The following CRB1 variants were observed in gnomAD, a reference collection of about 807,000 sequenced individuals.
CRB1 encodes crumbs cell polarity complex component 1, also known as protein crumbs homolog 1.
Under a neutral mutation model 120.0 loss-of-function variants are expected in CRB1, and 83 were observed. The ratio of observed to expected loss-of-function variants is 0.69; its 90% CI spans 0.58 to 0.83. The LOEUF (loss-of-function observed/expected upper bound fraction) is 0.83. CRB1 is among the 40% of genes least tolerant of loss of function. The probability of loss-of-function intolerance (pLI) is 0.00; values close to 1 mark genes in which losing one functional copy is unlikely to be tolerated. For missense variants in CRB1, 1,699 were observed against 1,687.6 expected (o/e 1.01, Z -0.12); for synonymous variants, 625 against 612.5 (o/e 1.02, Z -0.30).
chr1:197,392,947 T>C (rs1370838245), intron 5 of CRB1, among the ~76,000 whole-genome samples: 3 of 152,062 alleles, frequency 2.0e-5, no homozygotes, highest in Non-Finnish European at 4.4e-5. Flanking sequence ...CGGCACTTGA[T>C]GAAGTAATAT....
At chr1:197,222,210 C>G in the CRB1 span, 1 of 474,620 alleles carries the variant, frequency 2.1e-6, no homozygotes, top group Non-Finnish European at 4.0e-6. Context: ...ACTGCGCGGC[C>G]GCAGCGGCAC....
intron 5 of CRB1, among the ~76,000 whole-genome samples, chr1:197,388,063 T>A (rs193211520): frequency 6.6e-6 from 1 of 152,134 alleles, no homozygotes; most frequent in African/African-American, 2.4e-5. Flanking sequence ...ATAAACATCA[T>A]TTTAATGTCT....
chr1:197,455,882 G>A (rs1331416915), intron 11 of CRB1, among the ~76,000 whole-genome samples: 4 of 151,904 alleles, frequency 2.6e-5, no homozygotes, highest in East Asian at 1.9e-4. Context: ...CATGTAAACC[G>A]TAGAAATATT....
At chr1:197,434,581 T>C (rs1408386872) in intron 8 of CRB1, 125 bp from the exon 9 acceptor site, 3 of 847,322 alleles carry the variant, frequency 3.5e-6, no homozygotes, top group Non-Finnish European at 5.7e-6. Context: ...TAGCACAGTA[T>C]GTAACATGTA....
At chr1:197,353,158 G>T (rs775480112) in intron 4 of CRB1, among the ~76,000 whole-genome samples, 1 of 152,094 alleles carries the variant, frequency 6.6e-6, no homozygotes, top group Non-Finnish European at 1.5e-5. Flanking sequence ...AGAAAATAAG[G>T]GGATCTTATT....
At chr1:197,368,528 T>C (rs949135532) in intron 5 of CRB1, among the ~76,000 whole-genome samples, 3 of 152,216 alleles carry the variant, frequency 2.0e-5, no homozygotes, top group African/African-American at 7.2e-5. Context: ...AAATGATTTT[T>C]GTTGATTGCT....
chr1:197,216,700 G>C, the CRB1 span, among the ~76,000 whole-genome samples: 4 of 152,186 alleles, frequency 2.6e-5, no homozygotes, highest in African/African-American at 9.7e-5. Context: ...TATCACAGTA[G>C]TTAAGAGAAT....
At chr1:197,474,241 T>C (rs1400024249) in intron 11 of CRB1, among the ~76,000 whole-genome samples, 1 of 152,208 alleles carries the variant, frequency 6.6e-6, no homozygotes, top group East Asian at 1.9e-4. Flanking sequence ...GATGTTAATA[T>C]TCCATTTTAT....
chr1:197,440,579 G>C (rs745426526), intron 10 of CRB1: 1 of 152,170 alleles, frequency 6.6e-6, no homozygotes, highest in Non-Finnish European at 1.5e-5. Flanking sequence ...AAATGCCAAT[G>C]ATGCTGATAA....
At chr1:197,257,880 A>G in the CRB1 span, among the ~76,000 whole-genome samples, 2 of 152,110 alleles carry the variant, frequency 1.3e-5, no homozygotes, top group Admixed American at 1.3e-4. Context: ...CTGCTGTACT[A>G]GCACTCATTT....
At chr1:197,402,887 A>T (rs1663140101) in intron 5 of CRB1, among the ~76,000 whole-genome samples, 1 of 152,172 alleles carries the variant, frequency 6.6e-6, no homozygotes, top group Admixed American at 6.5e-5. Flanking sequence ...TTTTAATAGC[A>T]CTATTGCAAT....
intron 1 of CRB1, among the ~76,000 whole-genome samples, chr1:197,301,368 G>T (rs1202320640): frequency 6.6e-6 from 1 of 152,072 alleles, no homozygotes. Context: ...GTTTCACCAT[G>T]TTGGCCAGGA....
At chr1:197,432,357 A>AACACACACACAC (rs35921087) in intron 8 of CRB1, among the ~76,000 whole-genome samples, 1 of 139,770 alleles carries the variant, frequency 7.2e-6, no homozygotes, top group African/African-American at 2.7e-5. Flanking sequence ...ACCTGGTTGA[A>AACACACACACAC]ACACACACAC....
chr1:197,382,077 C>T (rs546109017), intron 5 of CRB1, among the ~76,000 whole-genome samples: 25 of 152,234 alleles, frequency 1.6e-4, no homozygotes, highest in South Asian at 6.2e-4. Context: ...GTGATGGTGA[C>T]GGGGAGTAGG....
chr1:197,445,080 C>T (rs141815591), intron 11 of CRB1, among the ~76,000 whole-genome samples: 3 of 152,254 alleles, frequency 2.0e-5, no homozygotes, highest in Admixed American at 6.5e-5. Flanking sequence ...GATTACAACC[C>T]TAATTGTTCT....
the CRB1 span, among the ~76,000 whole-genome samples, chr1:197,234,651 G>A: frequency 7.2e-5 from 11 of 152,300 alleles, no homozygotes; most frequent in South Asian, 1.9e-3. Context: ...AGTTATCATC[G>A]GTCAGCCTCT....
chr1:197,427,323 A>G, intron 6 of CRB1, 131 bp from the exon 7 acceptor site: 4 of 715,222 alleles, frequency 5.6e-6, no homozygotes, highest in South Asian at 1.7e-5. Context: ...TTTAAAAGCT[A>G]TGTATGAGTG....
intron 6 of CRB1, among the ~76,000 whole-genome samples, chr1:197,424,466 A>G (rs1664482325): frequency 6.6e-6 from 1 of 152,170 alleles, no homozygotes; most frequent in Non-Finnish European, 1.5e-5. Context: ...AATGTTTGCC[A>G]TATGACATAG....
chr1:197,409,344 C>T (rs1328415829), intron 5 of CRB1, among the ~76,000 whole-genome samples: 1 of 152,026 alleles, frequency 6.6e-6, no homozygotes, highest in Non-Finnish European at 1.5e-5. Context: ...TTTTATAATT[C>T]TTGTGGGAAA....
Sources: allele counts gnomAD v4.1 joint callset (sites outside exome capture counted in the v4.1 genomes callset), GRCh38; gene constraint gnomAD v4.1.1; transcripts MANE v1.5; gene names NCBI Gene and HGNC (gene_info 2026-07-23, HGNC 2026-07-21).